ADAMTS12: variants seen among roughly 807,000 people sequenced by gnomAD.
ADAMTS12 encodes ADAM metallopeptidase with thrombospondin type 1 motif 12, also known as A disintegrin and metalloproteinase with thrombospondin motifs 12.
In ADAMTS12, 118 loss-of-function variants were observed where a neutral mutation model predicts 167.8. The ratio of observed to expected loss-of-function variants is 0.70; its 90% CI spans 0.61 to 0.82. ADAMTS12 has a LOEUF of 0.82. Among genes scored for constraint, ADAMTS12 ranks in the 40% least tolerant of loss-of-function variants. The probability of loss-of-function intolerance (pLI) is 0.00; values close to 1 mark genes in which losing one functional copy is unlikely to be tolerated. For missense variants in ADAMTS12, 1,916 were observed against 1,998.8 expected (o/e 0.96, Z 0.79); for synonymous variants, 704 against 716.9 (o/e 0.98, Z 0.29).
At chr5:33,583,692 A>G (rs6868051) in intron 18 of ADAMTS12, among the ~76,000 whole-genome samples, 6,087 of 152,288 alleles carry the variant, frequency 0.04, 381 homozygotes, top group African/African-American at 0.13. Context: ...TTTTAACTGG[A>G]ATAAAAGTTG....
At chr5:33,569,488 T>G (rs2111926179) in intron 19 of ADAMTS12, among the ~76,000 whole-genome samples, 1 of 152,184 alleles carries the variant, frequency 6.6e-6, no homozygotes, top group Non-Finnish European at 1.5e-5. Context: ...GGCAAACGGG[T>G]CTGGAGTGGA....
rs76061577 is a variant in ADAMTS12 at position 33,546,132 on chromosome 5, G to C, written c.4373C>G (p.Thr1458Arg). Residue 1458 changes from threonine to arginine, a missense_variant, in exon 22 of 24, where the codon ACA becomes AGA. Transcript: ENST00000504830. The part of the protein sequence containing the change: ...VFCPGGLCDW[T>R]KRPTSTMSCN... Reference sequence around the variant, plus strand: ...AGACATGGTGGATGTGGGTCTTTTTGTCCAATCACAGAGGCCTCCTGGACA... The same window carrying C: ...AGACATGGTGGATGTGGGTCTTTTTCTCCAATCACAGAGGCCTCCTGGACA... 2 of 1,613,868 alleles carry C rather than the reference G, an allele frequency of 1.2e-6. No homozygotes were observed. Among genetic ancestry groups the C allele is most frequent in the Non-Finnish European group, 8.5e-7 (1 of 1,179,924 alleles).
At chr5:33,552,934 A>G (rs963440579) in intron 20 of ADAMTS12, among the ~76,000 whole-genome samples, 5 of 152,242 alleles carry the variant, frequency 3.3e-5, no homozygotes, top group African/African-American at 1.2e-4. Flanking sequence ...ACAGAATGGG[A>G]GAAAACTTTT....
chr5:33,770,993 CATTACT>C (rs1281253293), intron 2 of ADAMTS12, among the ~76,000 whole-genome samples: 1 of 151,986 alleles, frequency 6.6e-6, no homozygotes, highest in Non-Finnish European at 1.5e-5. Flanking sequence ...TCCTGGTCCT[CATTACT>C]TTTTAAATTT....
intron 2 of ADAMTS12, among the ~76,000 whole-genome samples, chr5:33,851,132 G>T (rs1749206109): frequency 1.3e-5 from 2 of 152,160 alleles, no homozygotes; most frequent in Non-Finnish European, 2.9e-5. Flanking sequence ...ATAAAAGGAG[G>T]CCAGACACAG....
At chr5:33,878,619 CT>C (rs1227131352) in intron 2 of ADAMTS12, among the ~76,000 whole-genome samples, 1 of 152,208 alleles carries the variant, frequency 6.6e-6, no homozygotes, top group Non-Finnish European at 1.5e-5. Context: ...GGTTGCACCC[CT>C]GGTTGCTCAT....
intron 14 of ADAMTS12, among the ~76,000 whole-genome samples, chr5:33,618,979 G>A (rs1739169761): frequency 6.6e-6 from 1 of 152,172 alleles, no homozygotes; most frequent in African/African-American, 2.4e-5. Flanking sequence ...TGGGTGTAAT[G>A]AGCATAAAAG....
At chr5:33,653,681 G>A (rs1740944336) in intron 7 of ADAMTS12, among the ~76,000 whole-genome samples, 1 of 152,026 alleles carries the variant, frequency 6.6e-6, no homozygotes, top group South Asian at 2.1e-4. Flanking sequence ...CACTCAAATA[G>A]TTTCCCTCCT....
chr5:33,751,177 A>G (rs1481169006), intron 3 of ADAMTS12: 2 of 543,532 alleles, frequency 3.7e-6, no homozygotes, highest in African/African-American at 3.8e-5. Flanking sequence ...CTCATTAAGA[A>G]TATGCAGAGA....
intron 3 of ADAMTS12, among the ~76,000 whole-genome samples, chr5:33,709,245 A>G (rs528987152): frequency 3.3e-5 from 5 of 152,276 alleles, no homozygotes; most frequent in Admixed American, 3.3e-4. Context: ...ACCCTTTTAC[A>G]CTGTTGGTAG....
intron 22 of ADAMTS12, among the ~76,000 whole-genome samples, chr5:33,544,983 T>C (rs1301343271): frequency 1.3e-5 from 2 of 152,178 alleles, no homozygotes; most frequent in Middle Eastern, 3.2e-3. Context: ...CCAAAAGCAA[T>C]GGCAACAAAA....
chr5:33,645,344 T>C (rs1740624589), intron 9 of ADAMTS12, among the ~76,000 whole-genome samples: 1 of 152,090 alleles, frequency 6.6e-6, no homozygotes, highest in African/African-American at 2.4e-5. Context: ...AAAAGATGCT[T>C]CTCTGTCATC....
intron 18 of ADAMTS12, among the ~76,000 whole-genome samples, chr5:33,580,521 T>C (rs995347026): frequency 3.9e-5 from 6 of 152,120 alleles, no homozygotes; most frequent in Non-Finnish European, 7.4e-5. Context: ...GAGATTTGGG[T>C]GGGGACACAC....
intron 2 of ADAMTS12, among the ~76,000 whole-genome samples, chr5:33,796,474 A>T (rs1337614491): frequency 6.6e-6 from 1 of 152,242 alleles, no homozygotes; most frequent in Non-Finnish European, 1.5e-5. Context: ...ATAGGTATGT[A>T]GCATTTATAT....
chr5:33,848,980 A>AATATATATATATGTATTGCATAGCAAT (rs1561306109), intron 2 of ADAMTS12, among the ~76,000 whole-genome samples: 25 of 149,678 alleles, frequency 1.7e-4, no homozygotes, highest in African/African-American at 5.4e-4. Flanking sequence ...ATTGCATAGC[A>AATATATATATATGTATTGCATAGCAAT]ATATATATAT....
At chr5:33,813,156 C>G (rs905620169) in intron 2 of ADAMTS12, among the ~76,000 whole-genome samples, 1 of 152,208 alleles carries the variant, frequency 6.6e-6, no homozygotes, top group African/African-American at 2.4e-5. Context: ...CAGTGTTATG[C>G]ACCAACTTAA....
In ADAMTS12 at chr5:33,528,295, A is replaced by G. The variant is rs77643451; in HGVS notation, c.4607-929T>C. 1.5e-3 allele frequency among the ~76,000 whole-genome samples: 223 copies of G among 152,276 alleles called. 1 individual carries two copies. Among genetic ancestry groups the G allele is most frequent in the African/African-American group, 5.3e-3 (220 of 41,546 alleles). On this transcript the variant is annotated intron_variant, in intron 23 of 23. Coordinates refer to ENST00000504830, the MANE Select transcript of ADAMTS12 (RefSeq NM_030955.4). ...GGAAACTTGGGGGTGGTAAGGAATA[A>G]AAGACTACATATTGGGTATAGTATA...
At chr5:33,694,689 C>G (rs1742688298) in intron 3 of ADAMTS12, among the ~76,000 whole-genome samples, 1 of 152,148 alleles carries the variant, frequency 6.6e-6, no homozygotes, top group African/African-American at 2.4e-5. Flanking sequence ...TGGCTGCCAG[C>G]TACATGCAGT....
intron 3 of ADAMTS12, among the ~76,000 whole-genome samples, chr5:33,735,486 T>C (rs1456331689): frequency 6.6e-6 from 1 of 152,184 alleles, no homozygotes; most frequent in East Asian, 1.9e-4. Flanking sequence ...TATATACCCA[T>C]CTAAAATGTA....
Sources: gnomAD v4.1 joint callset for allele counts (sites outside exome capture counted in the v4.1 genomes callset) on GRCh38, gnomAD v4.1.1 for gene constraint, MANE v1.5 for transcripts, NCBI Gene and HGNC (gene_info 2026-07-23, HGNC 2026-07-21) for gene names.